The following FBN2 variants were observed in gnomAD, a reference collection of about 807,000 sequenced individuals.
FBN2 encodes the protein fibrillin 2.
Under a neutral mutation model 355.6 loss-of-function variants are expected in FBN2, and 105 were observed. The observed-to-expected ratio is 0.30, with a 90% CI of 0.25 to 0.35. The LOEUF is 0.35. Ranked by LOEUF, FBN2 falls within the 10% of genes least tolerant of loss-of-function variation. The pLI is 1.00. For synonymous variants in FBN2, 1,350 were observed against 1,301.2 expected, an observed-to-expected ratio of 1.04 and a Z score of -0.81; for missense variants, 3,280 against 3,758.7, an observed-to-expected ratio of 0.87 and a Z score of 3.33.
At chr5:128,413,060 G>T (rs1371097482) in intron 7 of FBN2, among the ~76,000 whole-genome samples, 1 of 152,218 alleles carries the variant, frequency 6.6e-6, no homozygotes, top group Non-Finnish European at 1.5e-5. Flanking sequence ...ATGTTTTACA[G>T]TTAAGTTGAG....
At chr5:128,458,179 A>C (rs1329663131) in intron 6 of FBN2, among the ~76,000 whole-genome samples, 1 of 152,174 alleles carries the variant, frequency 6.6e-6, no homozygotes, top group African/African-American at 2.4e-5. Flanking sequence ...CTAGTCTCTG[A>C]CAAAACAGAT....
chr5:128,351,718 G>A (rs769429249), intron 20 of FBN2, among the ~76,000 whole-genome samples: 2 of 152,094 alleles, frequency 1.3e-5, no homozygotes, highest in Non-Finnish European at 2.9e-5. Context: ...AAGAGGAGTT[G>A]TCCAAGATTT....
At chr5:128,464,419 G>C (rs1445871113) in intron 6 of FBN2, among the ~76,000 whole-genome samples, 1 of 152,116 alleles carries the variant, frequency 6.6e-6, no homozygotes, top group Non-Finnish European at 1.5e-5. Context: ...AGTTAAGGGA[G>C]GAGTCATGCC....
rs1752122374 is a variant in FBN2 at position 128,377,847 on chromosome 5, A to G, written c.1754T>C (p.Leu585Pro). Residue 585 changes from leucine to proline, a missense_variant, in exon 13 of 65, where the codon CTT becomes CCT. Physicochemically the swap from Leu to Pro is moderately conservative, Grantham distance 98. Transcript: ENST00000262464. ...GTTCACGCATCGACCGTTTTTACAA[A>G]GAACCCCATTCTGGATGCACTCATC... ...DIDECIQNGV[L>P]CKNGRCVNTD... 6.2e-7 allele frequency: 1 copy of G among 1,613,642 alleles called. No individual in the cohort carries two copies. Among genetic ancestry groups the G allele is most frequent in the Non-Finnish European group, 8.5e-7 (1 of 1,179,628 alleles).
intron 61 of FBN2, among the ~76,000 whole-genome samples, chr5:128,273,054 T>C (rs948721452): frequency 2.6e-5 from 4 of 152,172 alleles, no homozygotes; most frequent in Non-Finnish European, 2.9e-5. Context: ...AAATCATATA[T>C]TTCTAAGAAT....
At chr5:128,532,682 T>C (rs1756739198) in intron 2 of FBN2, among the ~76,000 whole-genome samples, 1 of 152,226 alleles carries the variant, frequency 6.6e-6, no homozygotes, top group Non-Finnish European at 1.5e-5. Context: ...ACTAACTCAC[T>C]AATTGTTTTT....
At chr5:128,484,968 C>T (rs931267696) in intron 5 of FBN2, among the ~76,000 whole-genome samples, 3 of 152,104 alleles carry the variant, frequency 2.0e-5, no homozygotes, top group African/African-American at 4.8e-5. Context: ...CGCATATAAC[C>T]TGGCACATTC....
At position 128,288,532 on chromosome 5, in the gene FBN2, A is replaced by G; in HGVS notation, c.6663T>C (p.Asn2221=). The change falls in exon 53 of 65, where the codon AAT becomes AAC. Residue 2221 remains asparagine (N), a synonymous_variant. Coordinates refer to ENST00000262464, the MANE Select transcript of FBN2 (RefSeq NM_001999.4). ...CVDTDECSIG[N]PCGNGTCTNV... ...TGGTGCATGTACCATTTCCACACGG[A>G]TTGCCGATTGAACACTCATCAGTAT... The G allele has an allele frequency of 6.2e-7, 1 of 1,613,918 alleles. No homozygotes were observed. Among genetic ancestry groups the G allele is most frequent in the Non-Finnish European group, 8.5e-7 (1 of 1,179,940 alleles).
chr5:128,527,449 T>C (rs958656322), intron 4 of FBN2, among the ~76,000 whole-genome samples: 1 of 152,076 alleles, frequency 6.6e-6, no homozygotes, highest in African/African-American at 2.4e-5. Context: ...GGGTTAATTT[T>C]GAGAAGTTCT....
rs568979356 is a variant in FBN2, at chr5:128,514,024, A to ATGTG, written c.628+5245_628+5248dup. Among the ~76,000 whole-genome samples, 178 of 87,114 alleles carry ATGTG rather than the reference A, an allele frequency of 2.0e-3. 1 individual carries two copies. Among genetic ancestry groups the ATGTG allele is most frequent in the East Asian group, 0.018 (73 of 4,044 alleles). 57.2% of individuals were successfully genotyped at this position (87,114 alleles called of 152,430 possible). On this transcript the variant is annotated intron_variant, in intron 5 of 64. Transcript: ENST00000262464. The stretch of plus-strand genomic sequence containing the variant: ...TCTTAACGGCCTCACAAGTGCAGAA[A>ATGTG]TGTGTGTGTGTGTGTGTGTGTGCCT...
chr5:128,454,837 A>G (rs1215279647), intron 6 of FBN2, among the ~76,000 whole-genome samples: 1 of 152,210 alleles, frequency 6.6e-6, no homozygotes, highest in Non-Finnish European at 1.5e-5. Context: ...TGCATTTCAC[A>G]TTACCTGGAA....
chr5:128,444,524 T>C (rs1410300492), intron 7 of FBN2, among the ~76,000 whole-genome samples: 1 of 152,248 alleles, frequency 6.6e-6, no homozygotes, highest in Non-Finnish European at 1.5e-5. Flanking sequence ...CTTCCAATTC[T>C]GCTATTCCCC....
At chr5:128,288,367 A>G in intron 53 of FBN2, 71 bp downstream of exon 53, 3 of 1,541,346 alleles carry the variant, frequency 1.9e-6, no homozygotes, top group Non-Finnish European at 2.7e-6. Flanking sequence ...AGCAATATAA[A>G]TAAATATTGA....
chr5:128,353,002 G>A (rs567922384), intron 20 of FBN2, among the ~76,000 whole-genome samples: 12 of 151,972 alleles, frequency 7.9e-5, no homozygotes, highest in South Asian at 2.1e-4. Context: ...GTGAAACCCC[G>A]TCTCTACAAA....
At chr5:128,436,125 C>A (rs1380153968) in intron 7 of FBN2, among the ~76,000 whole-genome samples, 1 of 152,152 alleles carries the variant, frequency 6.6e-6, no homozygotes, top group East Asian at 1.9e-4. Flanking sequence ...CTAGTGCACG[C>A]CATTTGTGGG....
rs184552612 is a variant in FBN2, at chr5:128,428,135, G to A, written c.952+18346C>T. Reference sequence around the variant, plus strand: ...CATCACTTTTACCACAAAAACCCCTGGTCCAAGCTACCATCAAGTCTCACT... The same window carrying A: ...CATCACTTTTACCACAAAAACCCCTAGTCCAAGCTACCATCAAGTCTCACT... On this transcript the variant is annotated intron_variant, in intron 7 of 64. Coordinates refer to ENST00000262464, the MANE Select transcript of FBN2 (RefSeq NM_001999.4). 2.0e-5 allele frequency among the ~76,000 whole-genome samples: 3 copies of A among 152,122 alleles called. No homozygotes were observed. In the East Asian group the frequency reaches 5.8e-4, roughly 29 times the overall value.
intron 8 of FBN2, among the ~76,000 whole-genome samples, chr5:128,399,137 G>C (rs935348196): frequency 1.3e-5 from 2 of 152,168 alleles, no homozygotes; most frequent in Non-Finnish European, 2.9e-5. Context: ...TAGCAATGTT[G>C]TAAGACCTCA....
intron 18 of FBN2, among the ~76,000 whole-genome samples, chr5:128,363,340 C>T (rs1159613264): frequency 6.6e-6 from 1 of 152,156 alleles, no homozygotes; most frequent in South Asian, 2.1e-4. Flanking sequence ...CAGGCACGTG[C>T]CACCATGCCC....
intron 6 of FBN2, among the ~76,000 whole-genome samples, chr5:128,455,998 A>AAAAAAAAAAAAAAAAAAAAAAAAAAAC: frequency 7.4e-6 from 1 of 134,480 alleles, no homozygotes; most frequent in Non-Finnish European, 1.5e-5. Context: ...AACAAAAAAA[A>AAAAAAAAAAAAAAAAAAAAAAAAAAAC]AAAAAAAAAA....
Sources: allele counts gnomAD v4.1 joint callset (sites outside exome capture counted in the v4.1 genomes callset), GRCh38; gene constraint gnomAD v4.1.1; transcripts MANE v1.5; gene names NCBI Gene and HGNC (gene_info 2026-07-23, HGNC 2026-07-21).